The following RALYL variants were observed in gnomAD, a reference collection of about 807,000 sequenced individuals.
RALYL encodes the protein RALY RNA binding protein like.
RALYL carries 29 observed loss-of-function variants against 35.1 expected under a neutral mutation model. The observed-to-expected ratio is 0.83, with a 90% CI of 0.61 to 1.13. RALYL has a LOEUF of 1.13. Ranked by LOEUF, RALYL falls within the 50% of genes most tolerant of loss-of-function variation. RALYL has a pLI of 0.00. For missense variants in RALYL, 359 were observed against 360.4 expected, an observed-to-expected ratio of 1.00 and a Z score of 0.03; for synonymous variants, 120 against 127.6, an observed-to-expected ratio of 0.94 and a Z score of 0.40.
chr8:84,415,794 T>G (rs2044635510), intron 1 of RALYL, among the ~76,000 whole-genome samples: 1 of 152,226 alleles, frequency 6.6e-6, no homozygotes, highest in Non-Finnish European at 1.5e-5. Context: ...TGTATATTTA[T>G]GTACTTAGTG....
intron 1 of RALYL, among the ~76,000 whole-genome samples, chr8:84,335,129 T>C (rs1051221905): frequency 6.6e-6 from 1 of 152,168 alleles, no homozygotes; most frequent in Non-Finnish European, 1.5e-5. Context: ...CTGGCATTGC[T>C]CATCTCTGGG....
intron 4 of RALYL, among the ~76,000 whole-genome samples, chr8:84,816,032 CAAAA>C (rs5892931): frequency 2.4e-5 from 2 of 84,190 alleles, no homozygotes; most frequent in African/African-American, 9.1e-5. Flanking sequence ...GACTCTGTCT[CAAAA>C]AAAAAAAAAA....
intron 1 of RALYL, among the ~76,000 whole-genome samples, chr8:84,446,923 A>C (rs943888315): frequency 3.9e-5 from 6 of 152,096 alleles, no homozygotes; most frequent in Non-Finnish European, 7.4e-5. Flanking sequence ...AACTGCAATA[A>C]AAATTGTTAA....
intron 1 of RALYL, among the ~76,000 whole-genome samples, chr8:84,282,376 T>G (rs1021076538): frequency 6.6e-6 from 1 of 152,132 alleles, no homozygotes; most frequent in African/African-American, 2.4e-5. Context: ...GGCTGGCACA[T>G]AGTAATTGCT....
chr8:84,759,839 G>A (rs1432531688), intron 2 of RALYL, among the ~76,000 whole-genome samples: 2 of 152,100 alleles, frequency 1.3e-5, no homozygotes, highest in African/African-American at 2.4e-5. Context: ...TTACGTATCT[G>A]TGATGTGATC....
intron 2 of RALYL, among the ~76,000 whole-genome samples, chr8:84,617,976 G>A (rs1210435090): frequency 6.6e-6 from 1 of 151,794 alleles, no homozygotes; most frequent in Non-Finnish European, 1.5e-5. Context: ...CTTTTGATGT[G>A]CTGCTGGATT....
chr8:84,221,995 T>G (rs1181865565), intron 1 of RALYL, among the ~76,000 whole-genome samples: 1 of 152,108 alleles, frequency 6.6e-6, no homozygotes, highest in Non-Finnish European at 1.5e-5. Flanking sequence ...AGGCTTAGTA[T>G]GACTGTTTTA....
intron 8 of RALYL, among the ~76,000 whole-genome samples, chr8:84,889,917 A>C (rs1045012800): frequency 1.3e-5 from 2 of 152,168 alleles, no homozygotes; most frequent in African/African-American, 4.8e-5. Flanking sequence ...AACAAGTACC[A>C]TGACCCAAGC....
intron 1 of RALYL, among the ~76,000 whole-genome samples, chr8:84,370,291 G>A (rs1855417591): frequency 6.6e-6 from 1 of 152,150 alleles, no homozygotes; most frequent in South Asian, 2.1e-4. Flanking sequence ...GTAAAAATTT[G>A]GATAGGAAGA....
At chr8:84,237,532 T>TA (rs1380974823) in intron 1 of RALYL, among the ~76,000 whole-genome samples, 2 of 152,202 alleles carry the variant, frequency 1.3e-5, no homozygotes, top group Non-Finnish European at 2.9e-5. Context: ...ATAATTTTTT[T>TA]AAATACATTT....
intron 5 of RALYL, among the ~76,000 whole-genome samples, chr8:84,855,119 A>G (rs1836709966): frequency 1.3e-5 from 2 of 152,192 alleles, no homozygotes; most frequent in Admixed American, 6.5e-5. Flanking sequence ...GCAAAACAAG[A>G]AGGAGCAGGT....
intron 4 of RALYL, among the ~76,000 whole-genome samples, chr8:84,812,085 A>G (rs1826031854): frequency 6.6e-6 from 1 of 152,046 alleles, no homozygotes; most frequent in Admixed American, 6.5e-5. Context: ...GTTTTGTCAT[A>G]TTACCAGAGT....
At chr8:84,246,373 A>G (rs1186344783) in intron 1 of RALYL, among the ~76,000 whole-genome samples, 1 of 152,206 alleles carries the variant, frequency 6.6e-6, no homozygotes, top group Non-Finnish European at 1.5e-5. Flanking sequence ...CAAAACAAAT[A>G]TATGACAACA....
At chr8:84,794,092 G>C (rs940779367) in intron 3 of RALYL, among the ~76,000 whole-genome samples, 1 of 152,142 alleles carries the variant, frequency 6.6e-6, no homozygotes, top group South Asian at 2.1e-4. Context: ...TGGAATGGAT[G>C]GGGGGCAGCA....
intron 1 of RALYL, among the ~76,000 whole-genome samples, chr8:84,515,051 G>A (rs1294229095): frequency 6.6e-6 from 1 of 152,140 alleles, no homozygotes; most frequent in Non-Finnish European, 1.5e-5. Context: ...GGTCTCTCAA[G>A]CCTATAAAAT....
At chr8:84,420,408 G>T (rs566629816) in intron 1 of RALYL, among the ~76,000 whole-genome samples, 114 of 151,966 alleles carry the variant, frequency 7.5e-4, no homozygotes, top group Non-Finnish European at 7.5e-4. Flanking sequence ...TTTTTTTCTT[G>T]TACATTTGTT....
At chr8:84,711,792 G>C (rs1023458841) in intron 2 of RALYL, among the ~76,000 whole-genome samples, 2 of 151,930 alleles carry the variant, frequency 1.3e-5, no homozygotes, top group African/African-American at 4.8e-5. Flanking sequence ...CTTGTTTAAA[G>C]GTACTTATTG....
chr8:84,331,769 C>G (rs1846864466), intron 1 of RALYL, among the ~76,000 whole-genome samples: 1 of 151,702 alleles, frequency 6.6e-6, no homozygotes, highest in South Asian at 2.1e-4. Flanking sequence ...GACAGTGTTT[C>G]CATAAATTCT....
intron 3 of RALYL, among the ~76,000 whole-genome samples, chr8:84,784,295 G>A (rs1157682895): frequency 2.0e-5 from 3 of 152,186 alleles, no homozygotes; most frequent in Admixed American, 1.3e-4. Flanking sequence ...AAGAATGTTT[G>A]AGCCCATATA....
Sources: gnomAD v4.1 joint callset for allele counts (sites outside exome capture counted in the v4.1 genomes callset) on GRCh38, gnomAD v4.1.1 for gene constraint, MANE v1.5 for transcripts, NCBI Gene and HGNC (gene_info 2026-07-23, HGNC 2026-07-21) for gene names.